The following RAB3GAP2 variants were observed in gnomAD, a reference collection of about 807,000 sequenced individuals.
RAB3GAP2 encodes the protein RAB3 GTPase activating non-catalytic protein subunit 2, also known as rab3 GTPase-activating protein non-catalytic subunit.
RAB3GAP2 carries 87 observed loss-of-function variants against 185.3 expected under a neutral mutation model. The ratio of observed to expected loss-of-function variants is 0.47; its 90% CI spans 0.39 to 0.56. The LOEUF (loss-of-function observed/expected upper bound fraction) is 0.56, where lower values mean the gene tolerates loss of function less well. Among genes scored for constraint, RAB3GAP2 ranks in the 20% least tolerant of loss-of-function variants. RAB3GAP2 has a pLI of 0.00. For missense variants in RAB3GAP2, 1,492 were observed against 1,638.2 expected (o/e 0.91, Z 1.54); for synonymous variants, 554 against 576.1 (o/e 0.96, Z 0.55).
In RAB3GAP2 at chr1:220,191,278, C is replaced by G; in HGVS notation, c.1277G>C (p.Arg426Pro). 6.4e-7 allele frequency: 1 copy of G among 1,555,970 alleles called. No individual in the cohort carries two copies. The highest frequency in any genetic ancestry group is 8.7e-7 in the Non-Finnish European group (1 of 1,150,546). ...TTGAATCCATCCAATTTGTGCGTCG[C>G]GGTACCCTTAGAGACAGAGGTAAAG... ...GIAIRMWKGY[R>P]DAQIGWIQTV... is the part of the protein sequence containing the mutation. Residue 426 changes from arginine (R) to proline (P), a missense_variant, in exon 14 of 35, where the codon CGC becomes CCC. Coordinates refer to ENST00000358951, the MANE Select transcript of RAB3GAP2 (RefSeq NM_012414.4).
At chr1:220,197,749 A>G (rs1658756247) in intron 9 of RAB3GAP2, among the ~76,000 whole-genome samples, 1 of 152,228 alleles carries the variant, frequency 6.6e-6, no homozygotes, top group Admixed American at 6.5e-5. Context: ...ACAGTAATCC[A>G]GAGGACAATT....
At chr1:220,160,148 A>G (rs1056699533) in intron 28 of RAB3GAP2, among the ~76,000 whole-genome samples, 12 of 152,210 alleles carry the variant, frequency 7.9e-5, no homozygotes, top group Non-Finnish European at 2.9e-5. Flanking sequence ...AACCACTCTA[A>G]AGCACATGGG....
At chr1:220,252,632 CAGTG>C (rs1186836664) in intron 1 of RAB3GAP2, among the ~76,000 whole-genome samples, 2 of 152,358 alleles carry the variant, frequency 1.3e-5, no homozygotes, top group African/African-American at 2.4e-5. Flanking sequence ...CCAAGAGAAG[CAGTG>C]AGTAATTGTG....
In RAB3GAP2 at chr1:220,189,908, G is replaced by A; in HGVS notation, c.1715-141C>T. On this transcript the variant is annotated intron_variant, in intron 16 of 34. Transcript: ENST00000358951. ...TCTCACATTAATGTTTTCTTGTTAT[G>A]AATTATAACACCCTCTAGATGGCAC... 1.3e-5 allele frequency: 13 copies of A among 1,035,564 alleles called. No individual in the cohort carries two copies. The South Asian group carries it at 1.7e-4, about 14-fold the overall frequency. The allele number at this position is 1,035,564 out of a possible 1,614,324, so 64.1% of individuals were successfully genotyped here. A position where few individuals can be genotyped will look rare whatever the true frequency, so the allele number is the denominator to read the frequency against.
chr1:220,257,108 G>A (rs571424080), intron 1 of RAB3GAP2, among the ~76,000 whole-genome samples: 14 of 152,334 alleles, frequency 9.2e-5, no homozygotes, highest in Middle Eastern at 3.4e-3. Flanking sequence ...GCTGGGCGTC[G>A]TGGCTCATGC....
intron 9 of RAB3GAP2, among the ~76,000 whole-genome samples, chr1:220,199,484 G>C (rs942400047): frequency 6.6e-6 from 1 of 152,064 alleles, no homozygotes; most frequent in Non-Finnish European, 1.5e-5. Context: ...AAATCCAATG[G>C]ACCTTCTTCT....
chr1:220,151,197 A>G lies in RAB3GAP2; in HGVS notation c.*54T>C, dbSNP rs1558136301. 2.6e-6 allele frequency: 4 copies of G among 1,544,900 alleles called. No individual in the cohort carries two copies. The highest frequency in any genetic ancestry group is 1.1e-5 in the South Asian group (1 of 88,732). The stretch of plus-strand genomic sequence containing the variant: ...CCAGGTCTTACTATGTAAAATAACC[A>G]TGCACTACTTCATGTTATAATCATA... On this transcript the variant is annotated 3_prime_UTR_variant, in exon 35 of 35. Coordinates refer to ENST00000358951, the MANE Select transcript of RAB3GAP2 (RefSeq NM_012414.4).
At chr1:220,250,177 G>A (rs536022336) in intron 1 of RAB3GAP2, among the ~76,000 whole-genome samples, 1 of 152,314 alleles carries the variant, frequency 6.6e-6, no homozygotes, top group East Asian at 1.9e-4. Flanking sequence ...GAGGAAGGCT[G>A]TACCCTGCAA....
chr1:220,234,390 T>G (rs1035725260), intron 1 of RAB3GAP2, among the ~76,000 whole-genome samples: 2 of 152,236 alleles, frequency 1.3e-5, no homozygotes, highest in Non-Finnish European at 2.9e-5. Flanking sequence ...ATACAGATGA[T>G]TAAAGAATTT....
At chr1:220,197,270 G>A (rs1332100864) in intron 9 of RAB3GAP2, among the ~76,000 whole-genome samples, 1 of 152,170 alleles carries the variant, frequency 6.6e-6, no homozygotes, top group African/African-American at 2.4e-5. Flanking sequence ...TTACCGGTGT[G>A]AGCCACTGTG....
At chr1:220,181,478 G>A (rs1267739719) in intron 21 of RAB3GAP2, among the ~76,000 whole-genome samples, 1 of 151,944 alleles carries the variant, frequency 6.6e-6, no homozygotes, top group Non-Finnish European at 1.5e-5. Context: ...TTCAGAAAGG[G>A]TAAAAATTTA....
chr1:220,175,027 T>G (rs1282683623), intron 21 of RAB3GAP2, among the ~76,000 whole-genome samples: 1 of 152,168 alleles, frequency 6.6e-6, no homozygotes, highest in African/African-American at 2.4e-5. Context: ...CATTCTATAC[T>G]CAATCAAAAA....
chr1:220,259,841 G>A (rs891165751), intron 1 of RAB3GAP2, among the ~76,000 whole-genome samples: 7 of 152,050 alleles, frequency 4.6e-5, no homozygotes, highest in African/African-American at 1.7e-4. Flanking sequence ...CTATCCATCT[G>A]ACAAAAGTCT....
intron 2 of RAB3GAP2, among the ~76,000 whole-genome samples, chr1:220,222,495 C>T (rs1464792595): frequency 1.3e-5 from 2 of 152,134 alleles, no homozygotes; most frequent in African/African-American, 4.8e-5. Context: ...TAAGGAAAGA[C>T]ATGAACTCTT....
At chr1:220,249,154 C>T (rs1384732652) in intron 1 of RAB3GAP2, among the ~76,000 whole-genome samples, 1 of 152,112 alleles carries the variant, frequency 6.6e-6, no homozygotes, top group Non-Finnish European at 1.5e-5. Context: ...GTTTAGAGGG[C>T]TCAGAAGAAG....
intron 21 of RAB3GAP2, among the ~76,000 whole-genome samples, chr1:220,178,490 T>TG (rs1437964428): frequency 1.3e-5 from 2 of 152,008 alleles, no homozygotes; most frequent in African/African-American, 2.4e-5. Context: ...AATGCTAAAA[T>TG]GGGGGGAGAA....
Position 220,167,719 on chromosome 1 carries a change from CA to C in RAB3GAP2, c.2807-45del, listed in dbSNP as rs1558142180. The C allele has an allele frequency of 3.1e-6, 5 of 1,590,872 alleles. No homozygotes were observed. The Admixed American group carries it at 5.0e-5, about 16-fold the overall frequency. On this transcript the variant is annotated intron_variant, in intron 24 of 34. Coordinates refer to ENST00000358951, the MANE Select transcript of RAB3GAP2 (RefSeq NM_012414.4). ...AAAGAAAATAAAAATTTACAACACACAGGGCAGTGTTTGCCAATGGGAGCCA... is the reference window on the plus strand; with the variant it reads ...AAAGAAAATAAAAATTTACAACACACGGGCAGTGTTTGCCAATGGGAGCCA...
chr1:220,195,886 T>C (rs1052642598), intron 10 of RAB3GAP2, among the ~76,000 whole-genome samples: 2 of 152,210 alleles, frequency 1.3e-5, no homozygotes, highest in Admixed American at 6.5e-5. Context: ...TCACCACTTA[T>C]AACAAGTATA....
chr1:220,172,292 T>C (rs1417839284), intron 22 of RAB3GAP2, among the ~76,000 whole-genome samples: 1 of 152,224 alleles, frequency 6.6e-6, no homozygotes, highest in Non-Finnish European at 1.5e-5. Context: ...TCATCATTAC[T>C]GAAAACTGTT....
Sources: allele counts gnomAD v4.1 joint callset (sites outside exome capture counted in the v4.1 genomes callset), GRCh38; gene constraint gnomAD v4.1.1; transcripts MANE v1.5; gene names NCBI Gene and HGNC (gene_info 2026-07-23, HGNC 2026-07-21).